The following PPP2R2C variants were observed in gnomAD, a reference collection of about 807,000 sequenced individuals.
PPP2R2C encodes the protein protein phosphatase 2 regulatory subunit Bgamma.
PPP2R2C carries 10 observed loss-of-function variants against 45.3 expected under a neutral mutation model. The observed-to-expected ratio is 0.22, with a 90% CI of 0.14 to 0.37. PPP2R2C has a LOEUF of 0.37. Ranked by LOEUF, PPP2R2C falls within the 10% of genes least tolerant of loss-of-function variation. The pLI is 1.00. For missense variants in PPP2R2C, 308 were observed against 619.7 expected (o/e 0.50, Z 5.34); for synonymous variants, 257 against 245.4 (o/e 1.05, Z -0.44).
chr4:6,518,224 C>T (rs1469164678), intron 2 of PPP2R2C, among the ~76,000 whole-genome samples: 1 of 152,100 alleles, frequency 6.6e-6, no homozygotes. Context: ...AATCAAGCAC[C>T]TAAGCTTCCA....
chr4:6,521,333 T>C (rs544516708), intron 2 of PPP2R2C, among the ~76,000 whole-genome samples: 2 of 152,332 alleles, frequency 1.3e-5, no homozygotes, highest in East Asian at 3.9e-4. Context: ...TACCATCAAT[T>C]AGACACGCAC....
chr4:6,424,734 G>C lies in PPP2R2C; in HGVS notation c.71-43640C>G, dbSNP rs903032182. 2.0e-5 allele frequency among the ~76,000 whole-genome samples: 3 copies of C among 152,178 alleles called. No homozygotes were observed. In the South Asian group the frequency reaches 6.2e-4, roughly 32 times the overall value. Reference sequence around the variant, plus strand: ...TGTGCAAGGGTTCAGGGATGGGACCGTGTGGGAGATGCAGGGGTGGGGGCA... The same window carrying C: ...TGTGCAAGGGTTCAGGGATGGGACCCTGTGGGAGATGCAGGGGTGGGGGCA... On this transcript the variant is annotated intron_variant, in intron 1 of 8. Coordinates refer to ENST00000382599, the MANE Select transcript of PPP2R2C (RefSeq NM_020416.4).
intron 6 of PPP2R2C, among the ~76,000 whole-genome samples, chr4:6,343,388 A>T (rs192555979): frequency 5.1e-4 from 78 of 152,334 alleles, no homozygotes; most frequent in African/African-American, 1.8e-3. Flanking sequence ...TTCTAGAAAA[A>T]TTTTAAATAA....
intron 5 of PPP2R2C, among the ~76,000 whole-genome samples, chr4:6,370,147 C>A (rs1453182185): frequency 6.6e-6 from 1 of 152,210 alleles, no homozygotes; most frequent in Non-Finnish European, 1.5e-5. Flanking sequence ...CTGCAGGGGG[C>A]AGGCCGAGGC....
At chr4:6,457,331 C>T (rs1721097148) in intron 1 of PPP2R2C, among the ~76,000 whole-genome samples, 1 of 151,588 alleles carries the variant, frequency 6.6e-6, no homozygotes. Context: ...ATTAAAAAGT[C>T]TTTTATGGAC....
rs1291688336 is a variant in PPP2R2C, at chr4:6,321,458, A to G, written c.*1844T>C. 1.3e-5 allele frequency: 2 copies of G among 152,598 alleles called. No individual in the cohort carries two copies. Among genetic ancestry groups the G allele is most frequent in the Non-Finnish European group, 2.9e-5 (2 of 68,046 alleles). The allele number at this position is 152,598 out of a possible 1,614,324, so 9.5% of individuals were successfully genotyped here. On this transcript the variant is annotated 3_prime_UTR_variant, in exon 9 of 9. Transcript: ENST00000382599. ...TCCAGGTCAACTGGATTTTATAGTG[A>G]TATATAAACAAACATTCTTCATTCA...
At chr4:6,421,798 A>C (rs1379851219) in intron 1 of PPP2R2C, among the ~76,000 whole-genome samples, 1 of 152,230 alleles carries the variant, frequency 6.6e-6, no homozygotes, top group Non-Finnish European at 1.5e-5. Context: ...CCCACTTCAC[A>C]GTTACCCTGT....
chr4:6,419,655 A>G (rs922779860), intron 1 of PPP2R2C, among the ~76,000 whole-genome samples: 12 of 152,172 alleles, frequency 7.9e-5, no homozygotes, highest in African/African-American at 2.7e-4. Context: ...GGCTGCTGTA[A>G]CATATTACTA....
intron 1 of PPP2R2C, among the ~76,000 whole-genome samples, chr4:6,417,479 A>G (rs974422338): frequency 1.3e-5 from 2 of 152,054 alleles, no homozygotes; most frequent in Non-Finnish European, 2.9e-5. Context: ...CTTGGGTGGC[A>G]CCCAGCCCCT....
chr4:6,425,829 G>T (rs761381860), intron 1 of PPP2R2C, among the ~76,000 whole-genome samples: 13 of 151,814 alleles, frequency 8.6e-5, no homozygotes, highest in Admixed American at 3.3e-4. Context: ...GTGTGTGTGT[G>T]TGTGTGTGGT....
intron 2 of PPP2R2C, among the ~76,000 whole-genome samples, chr4:6,534,191 C>G (rs1724506043): frequency 6.7e-6 from 1 of 150,220 alleles, no homozygotes; most frequent in Non-Finnish European, 1.5e-5. Context: ...CACATCAACA[C>G]ATACAACACA....
intron 2 of PPP2R2C, among the ~76,000 whole-genome samples, chr4:6,494,540 G>A (rs1032053863): frequency 4.6e-5 from 7 of 152,196 alleles, no homozygotes; most frequent in Non-Finnish European, 7.3e-5. Flanking sequence ...TGGACCACAC[G>A]GGTGCCAGAT....
intron 1 of PPP2R2C, among the ~76,000 whole-genome samples, chr4:6,409,595 G>A (rs1718015879): frequency 6.6e-6 from 1 of 152,158 alleles, no homozygotes; most frequent in Admixed American, 6.5e-5. Context: ...AGAGTAAAGT[G>A]CCATCGTCAC....
At chr4:6,388,924 T>C (rs139033923) in intron 1 of PPP2R2C, among the ~76,000 whole-genome samples, 7 of 152,194 alleles carry the variant, frequency 4.6e-5, no homozygotes, top group Non-Finnish European at 7.4e-5. Flanking sequence ...GATGAGAGTG[T>C]GCAGGCTCCA....
At chr4:6,560,314 G>T in intron 1 of PPP2R2C, among the ~76,000 whole-genome samples, 1 of 152,210 alleles carries the variant, frequency 6.6e-6, no homozygotes, top group East Asian at 1.9e-4. Flanking sequence ...TCCAAGCCAG[G>T]GGCGTTTCCA....
chr4:6,529,934 C>T (rs1167758218), intron 2 of PPP2R2C, among the ~76,000 whole-genome samples: 3 of 152,028 alleles, frequency 2.0e-5, no homozygotes, highest in Non-Finnish European at 4.4e-5. Flanking sequence ...GAGGCTAGAG[C>T]GCACGAGTGA....
At chr4:6,400,661 T>A (rs1264945755) in intron 1 of PPP2R2C, among the ~76,000 whole-genome samples, 1 of 152,230 alleles carries the variant, frequency 6.6e-6, no homozygotes, top group Non-Finnish European at 1.5e-5. Context: ...CTAAGGCGTC[T>A]ATTGATGTAA....
intron 1 of PPP2R2C, among the ~76,000 whole-genome samples, chr4:6,467,756 C>T (rs2108765588): frequency 6.6e-6 from 1 of 152,242 alleles, no homozygotes; most frequent in African/African-American, 2.4e-5. Context: ...AGTAACAGCT[C>T]ATGTAACTGG....
intron 2 of PPP2R2C, among the ~76,000 whole-genome samples, chr4:6,532,664 G>T (rs1381617258): frequency 6.6e-6 from 1 of 152,240 alleles, no homozygotes; most frequent in Admixed American, 6.5e-5. Flanking sequence ...GGATCACAGT[G>T]TCCAGCCCCT....
Sources: allele counts gnomAD v4.1 joint callset (sites outside exome capture counted in the v4.1 genomes callset), GRCh38; gene constraint gnomAD v4.1.1; transcripts MANE v1.5; gene names NCBI Gene and HGNC (gene_info 2026-07-23, HGNC 2026-07-21).